NF2: variants seen among roughly 807,000 people sequenced by gnomAD.
NF2 encodes the protein merlin.
NF2 carries 8 observed loss-of-function variants against 83.7 expected under a neutral mutation model. The ratio of observed to expected loss-of-function variants is 0.10; its 90% CI spans 0.06 to 0.17. The LOEUF (loss-of-function observed/expected upper bound fraction) is 0.17. Among genes scored for constraint, NF2 ranks in the 10% least tolerant of loss-of-function variants. NF2 has a pLI of 1.00. For missense variants in NF2, 533 were observed against 744.4 expected (o/e 0.72, Z 3.31); for synonymous variants, 266 against 269.6 (o/e 0.99, Z 0.13).
At chr22:29,680,308 C>T (rs531935796) in intron 14 of NF2, among the ~76,000 whole-genome samples, 1 of 152,284 alleles carries the variant, frequency 6.6e-6, no homozygotes, top group Non-Finnish European at 1.5e-5. Flanking sequence ...GATGGGGTTT[C>T]ACCATGTTGG....
At chr22:29,644,414 A>G (rs1244944276) in intron 4 of NF2, among the ~76,000 whole-genome samples, 5 of 147,080 alleles carry the variant, frequency 3.4e-5, no homozygotes, top group Non-Finnish European at 6.0e-5. Context: ...GCGGCTGGGC[A>G]GAGACGCTCC....
chr22:29,675,069 GTGCAGAGAGCC>G, intron 13 of NF2, 128 bp downstream of exon 13: 3 of 773,714 alleles, frequency 3.9e-6, no homozygotes, highest in Non-Finnish European at 6.6e-6. Context: ...TGGATGAGAG[GTGCAGAGAGCC>G]TGCAGTTAGG....
chr22:29,665,756 AAAAAAAAAAAAAAAG>A (rs932779095), intron 9 of NF2, among the ~76,000 whole-genome samples: 7 of 140,708 alleles, frequency 5.0e-5, no homozygotes, highest in Non-Finnish European at 7.8e-5. Context: ...CAAGGTCAGG[AAAAAAAAAAAAAAAG>A]AAAAAGAAAA....
chr22:29,676,868 T>A (rs2147101777), intron 13 of NF2, among the ~76,000 whole-genome samples: 1 of 152,352 alleles, frequency 6.6e-6, no homozygotes, highest in Admixed American at 6.5e-5. Flanking sequence ...TTTTATGATG[T>A]GTAACATACA....
At chr22:29,649,582 A>G (rs1302768761) in intron 4 of NF2, among the ~76,000 whole-genome samples, 3 of 152,090 alleles carry the variant, frequency 2.0e-5, no homozygotes. Flanking sequence ...ACAAAAGACA[A>G]AAAATATATA....
At chr22:29,683,907 C>T (rs1159475863) in intron 15 of NF2, 1 of 1,040,104 alleles carries the variant, frequency 9.6e-7, no homozygotes, top group African/African-American at 1.7e-5. Context: ...AAATGACATC[C>T]TGCCTCTACT....
rs1006592023 is a variant in NF2 at position 29,604,047 on chromosome 22, A to C, written c.49A>C (p.Lys17Gln). 1 of 1,606,314 alleles carries C rather than the reference A, an allele frequency of 6.2e-7. No homozygotes were observed. Among genetic ancestry groups the C allele is most frequent in the Non-Finnish European group, 8.5e-7 (1 of 1,176,696 alleles). Residue 17 changes from lysine (K) to glutamine (Q), a missense_variant, in exon 1 of 16, where the codon AAG (lysine) becomes CAG (glutamine). By Grantham distance (53) the Lys-to-Gln change is moderately conservative. Transcript: ENST00000338641. ...CATGAGCTTCAGCTCTCTCAAGAGG[A>C]AGCAACCCAAGACGTTCACCGTGAG... ...SRMSFSSLKRKQPKTFTVRIV... is the reference protein window; with the variant it reads ...SRMSFSSLKRQQPKTFTVRIV...
intron 4 of NF2, among the ~76,000 whole-genome samples, chr22:29,643,292 A>ATTTTTTTTTTTTTTTT (rs1194773468): frequency 7.3e-6 from 1 of 137,848 alleles, no homozygotes. Context: ...TACTTGTGTG[A>ATTTTTTTTTTTTTTTT]TTTTTTTTTT....
At chr22:29,679,676 G>A (rs1301858294) in intron 14 of NF2, among the ~76,000 whole-genome samples, 2 of 151,962 alleles carry the variant, frequency 1.3e-5, no homozygotes, top group East Asian at 3.9e-4. Context: ...GACCAGCCTG[G>A]GCAACATGGC....
rs553894539 is a variant in NF2 at position 29,694,080 on chromosome 22, C to T, written c.1738-672C>T. Among the ~76,000 whole-genome samples, 1 of 151,894 alleles carries T rather than the reference C, an allele frequency of 6.6e-6. No individual in the cohort carries two copies. Among genetic ancestry groups the T allele is most frequent in the African/African-American group, 2.4e-5 (1 of 41,152 alleles). On this transcript the variant is annotated intron_variant, in intron 15 of 15. Transcript: ENST00000338641. The surrounding 1 kb of genome is among the most constrained non-coding windows in gnomAD (Gnocchi z 4.1). ...CTTCCACATCTCCCTGACTGTCCTTCTTTACATTTGCTGGGCAGAGTGCCA... is the reference window on the plus strand; with the variant it reads ...CTTCCACATCTCCCTGACTGTCCTTTTTTACATTTGCTGGGCAGAGTGCCA...
At position 29,694,602 on chromosome 22, in the gene NF2, G is replaced by T; in HGVS notation, c.1738-150G>T. 1 of 788,274 alleles carries T rather than the reference G, an allele frequency of 1.3e-6. No homozygotes were observed. The highest frequency in any genetic ancestry group is 2.2e-6 in the Non-Finnish European group (1 of 452,060). 48.8% of individuals were successfully genotyped at this position (788,274 alleles called of 1,614,324 possible). A position where few individuals can be genotyped will look rare whatever the true frequency, so the allele number is the denominator to read the frequency against. On this transcript the variant is annotated intron_variant, in intron 15 of 15. Coordinates refer to ENST00000338641, the MANE Select transcript of NF2 (RefSeq NM_000268.4). The surrounding 1 kb of genome is among the most constrained non-coding windows in gnomAD (Gnocchi z 4.1). Reference sequence around the variant, plus strand: ...TGGGCAAATCTGGCCGCTTATTTGGGACTGACAGCCAACTTCTTGAGCATC... The same window carrying T: ...TGGGCAAATCTGGCCGCTTATTTGGTACTGACAGCCAACTTCTTGAGCATC...
intron 9 of NF2, among the ~76,000 whole-genome samples, chr22:29,666,233 C>T (rs148973953): frequency 1.5e-3 from 230 of 152,142 alleles, no homozygotes; most frequent in African/African-American, 5.3e-3. Context: ...CTCCGCCTCC[C>T]GGATTTAAGC....
chr22:29,683,684 A>G (rs969340639), intron 15 of NF2: 10 of 1,074,946 alleles, frequency 9.3e-6, no homozygotes, highest in Non-Finnish European at 1.1e-5. Flanking sequence ...ATCTGTGCTC[A>G]GCCACCTCTG....
Position 29,639,020 on chromosome 22 carries a change from G to A in NF2, c.241-70G>A, listed in dbSNP as rs924335445. 22 of 1,610,426 alleles carry A rather than the reference G, an allele frequency of 1.4e-5. No individual in the cohort carries two copies. In the East Asian group the frequency reaches 4.5e-4, roughly 33 times the overall value. The stretch of plus-strand genomic sequence containing the variant: ...AAAATTTAATGCACGCCTTGCAAAG[G>A]CTTCTTTGAGGGTAGCACAGGAGGA... On this transcript the variant is annotated intron_variant, in intron 2 of 15. Coordinates refer to ENST00000338641, the MANE Select transcript of NF2 (RefSeq NM_000268.4).
chr22:29,636,757 T>C lies in NF2; in HGVS notation c.121T>C (p.Trp41Arg). ...AEMEFNCEMK[W>R]KGKDLFDLVC... is the part of the protein sequence containing the mutation. ...CATTGGTTTGTTATTGCAGATGAAG[T>C]GGAAAGGGAAGGACCTCTTTGATTT... The change falls in exon 2 of 16, where the codon TGG becomes CGG. Residue 41 changes from tryptophan (W) to arginine (R), a missense_variant. Trp to Arg is a moderately radical substitution (Grantham distance 101). This residue lies in a region of NF2 where 326 missense variants were observed against 475.1 expected (regional missense o/e 0.69). Transcript: ENST00000338641. The surrounding 1 kb of genome is among the most constrained non-coding windows in gnomAD (Gnocchi z 4.4). 6.2e-7 allele frequency: 1 copy of C among 1,614,092 alleles called. No homozygotes were observed. The highest frequency in any genetic ancestry group is 8.5e-7 in the Non-Finnish European group (1 of 1,180,022).
At position 29,623,695 on chromosome 22, in the gene NF2, G is replaced by A. The variant is rs564452264; in HGVS notation, c.115-13056G>A. Among the ~76,000 whole-genome samples, 94 of 152,278 alleles carry A rather than the reference G, an allele frequency of 6.2e-4. No individual in the cohort carries two copies. The South Asian group carries it at 0.016, about 27-fold the overall frequency. On this transcript the variant is annotated intron_variant, in intron 1 of 15. Coordinates refer to ENST00000338641, the MANE Select transcript of NF2 (RefSeq NM_000268.4). ...GTTGGATCAAGCTGGCCAGAGTTGA[G>A]CTCAGGAAGTCAGTGCACTTTCTCT...
intron 9 of NF2, among the ~76,000 whole-genome samples, chr22:29,665,780 A>G (rs143859654): frequency 3.0e-4 from 45 of 151,960 alleles, no homozygotes; most frequent in Non-Finnish European, 5.4e-4. Context: ...AGAAAAAGAA[A>G]AAGGAAAAAA....
At chr22:29,683,215 G>C in intron 15 of NF2, 1 of 1,592,142 alleles carries the variant, frequency 6.3e-7, no homozygotes, top group Non-Finnish European at 8.6e-7. Flanking sequence ...CATGCTTTGA[G>C]TCTAAAAGTA....
intron 3 of NF2, 137 bp downstream of exon 3, chr22:29,639,349 T>G: frequency 1.8e-6 from 2 of 1,110,782 alleles, no homozygotes; most frequent in Admixed American, 3.7e-5. Flanking sequence ...CCTTTGGTTC[T>G]GTAATGGAAA....
Sources: gnomAD v4.1 joint callset for allele counts (sites outside exome capture counted in the v4.1 genomes callset) on GRCh38, gnomAD v4.1.1 for gene constraint, gnomAD v4.1.1 regional missense constraint, Gnocchi (gnomAD v3.1) non-coding constraint, MANE v1.5 for transcripts, NCBI Gene and HGNC (gene_info 2026-07-23, HGNC 2026-07-21) for gene names.